IGSF22: variants seen among roughly 807,000 people sequenced by gnomAD.
The protein encoded by IGSF22 is immunoglobulin superfamily, member 22.
A neutral mutation model predicts 127.0 loss-of-function variants in IGSF22; 119 were observed. That is an observed-to-expected ratio of 0.94 (90% CI 0.81 to 1.09). The LOEUF (loss-of-function observed/expected upper bound fraction) is 1.09. IGSF22 is among the 50% of genes least tolerant of loss of function. The pLI is 0.00. For missense variants in IGSF22, 1,518 were observed against 1,716.6 expected (o/e 0.88, Z 2.04); for synonymous variants, 568 against 664.7 (o/e 0.85, Z 2.24).
At chr11:18,715,854 T>C in intron 10 of IGSF22, 138 bp from the exon 11 acceptor site, 2 of 967,736 alleles carry the variant, frequency 2.1e-6, no homozygotes, top group Non-Finnish European at 1.5e-6. Context: ...TTGTGTGTAA[T>C]ATGTGACTCA....
chr11:18,715,740 C>A, intron 10 of IGSF22, 24 bp from the exon 11 acceptor site: 1 of 1,590,444 alleles, frequency 6.3e-7, no homozygotes, highest in Non-Finnish European at 8.6e-7. Flanking sequence ...GACACTTGGG[C>A]CTGCTCCCAA....
At chr11:18,717,809 C>T (rs978045388) in intron 9 of IGSF22, 122 bp downstream of exon 9, 1 of 1,074,206 alleles carries the variant, frequency 9.3e-7, no homozygotes, top group Admixed American at 2.2e-5. Flanking sequence ...CATCCCCACA[C>T]AATCCTTTCT....
Position 18,716,845 on chromosome 11 carries a change from C to A in IGSF22, c.1129G>T (p.Val377Leu). 1 of 1,614,238 alleles carries A rather than the reference C, an allele frequency of 6.2e-7. No individual in the cohort carries two copies. Among genetic ancestry groups the A allele is most frequent in the South Asian group, 1.1e-5 (1 of 91,086 alleles). Residue 377 changes from valine (V) to leucine (L), a missense_variant, in exon 10 of 23, where the codon GTG becomes TTG. Physicochemically the swap from Val to Leu is conservative, Grantham distance 32 (BLOSUM62 1). This residue lies in a region of IGSF22 where 1,456 missense variants were observed against 1,644.9 expected (regional missense o/e 0.89). Coordinates refer to ENST00000513874, the MANE Select transcript of IGSF22 (RefSeq NM_173588.4). This position sits in a 1 kb window ranked among gnomAD's most constrained non-coding sequence, Gnocchi z 4.5. ...LKRDDKYEIT[V>L]SEDGLTHTLK... ...GTGTGCGTCAGACCATCTTCGGACA[C>A]CGTGATTTCATACTTGTCATCCCTC...
intron 7 of IGSF22, 147 bp downstream of exon 7, chr11:18,719,569 T>C (rs1347624354): frequency 2.7e-6 from 2 of 750,100 alleles, no homozygotes; most frequent in East Asian, 5.0e-5. Context: ...TTGTGCTCCC[T>C]TGCTGCTTTC....
At position 18,724,653 on chromosome 11, in the gene IGSF22, T is replaced by C. The variant is rs563769615; in HGVS notation, c.-33-384A>G. Among the ~76,000 whole-genome samples, 41 of 152,324 alleles carry C rather than the reference T, an allele frequency of 2.7e-4. 1 individual carries two copies. In the South Asian group the frequency reaches 6.8e-3, roughly 25 times the overall value. On this transcript the variant is annotated intron_variant, in intron 1 of 22. Transcript: ENST00000513874. ...CAGACCTAAGAAAGAACTTCCTGAC[T>C]AAGCCATACTGGAGTGGGCTTTAGA...
intron 15 of IGSF22, among the ~76,000 whole-genome samples, chr11:18,711,731 G>A (rs1848360714): frequency 6.6e-6 from 1 of 152,146 alleles, no homozygotes; most frequent in South Asian, 2.1e-4. Flanking sequence ...TGTTGTCAAG[G>A]ATTTTCTGTG....
intron 4 of IGSF22, among the ~76,000 whole-genome samples, chr11:18,721,105 C>G (rs1848562778): frequency 6.6e-6 from 1 of 152,188 alleles, no homozygotes; most frequent in Non-Finnish European, 1.5e-5. Flanking sequence ...GAGGGTTCAG[C>G]TGAAGAGCCC....
At position 18,721,527 on chromosome 11, in the gene IGSF22, C is replaced by A. The variant is rs1476057834; in HGVS notation, c.378+8G>T. ...CTCGGTAACTGGACTTGGGCTTGGCCCCCGCACCTTCAGCACGTGTTCCTT... is the reference window on the plus strand; with the variant it reads ...CTCGGTAACTGGACTTGGGCTTGGCACCCGCACCTTCAGCACGTGTTCCTT... On this transcript the variant is annotated splice_region_variant and intron_variant, in intron 4 of 22. Transcript: ENST00000513874. The A allele has an allele frequency of 2.5e-6, 4 of 1,614,090 alleles. No individual in the cohort carries two copies. The highest frequency in any genetic ancestry group is 3.4e-6 in the Non-Finnish European group (4 of 1,180,048).
rs771212228 is a variant in IGSF22 at position 18,718,705 on chromosome 11, CA to C, written c.719del (p.Leu240ArgfsTer17). ...EVEAIRILKP[L>X]EDKETKVDTT... The stretch of plus-strand genomic sequence containing the variant: ...TGTCAACCTTGGTCTCTTTGTCTTC[CA>C]GGGGCTTCAGAATCCGGATGGCCTG... On this transcript the variant is annotated frameshift_variant, in exon 8 of 23. Coordinates refer to ENST00000513874, the MANE Select transcript of IGSF22 (RefSeq NM_173588.4). LOFTEE classifies it high-confidence loss of function. 22 of 1,611,674 alleles carry C rather than the reference CA, an allele frequency of 1.4e-5. No homozygotes were observed. Among genetic ancestry groups the C allele is most frequent in the South Asian group, 5.5e-5 (5 of 90,972 alleles).
chr11:18,705,691 T>C (rs1848210980), intron 22 of IGSF22, 126 bp downstream of exon 22: 6 of 785,336 alleles, frequency 7.6e-6, no homozygotes, highest in Admixed American at 2.7e-5. Flanking sequence ...CAATTAAGAA[T>C]GTTTGCACCA....
Position 18,712,127 on chromosome 11 carries a change from T to C in IGSF22, c.2353A>G (p.Ser785Gly), listed in dbSNP as rs1347342545. 5.8e-6 allele frequency: 9 copies of C among 1,551,622 alleles called. No individual in the cohort carries two copies. The highest frequency in any genetic ancestry group is 6.1e-6 in the Non-Finnish European group (7 of 1,146,990). Residue 785 changes from serine to glycine, a missense_variant, in exon 15 of 23, where the codon AGT (serine) becomes GGT (glycine). Coordinates refer to ENST00000513874, the MANE Select transcript of IGSF22 (RefSeq NM_173588.4). ...ACTTCTTCTGTCTCCAGTGGGTCAC[T>C]CACACCTTCTGAATTGACTGCCAGG... ...RILAVNSEGV[S>G]DPLETEEVFA...
intron 11 of IGSF22, 134 bp from the exon 12 acceptor site, chr11:18,714,758 G>T (rs1407004834): frequency 2.4e-6 from 3 of 1,258,432 alleles, no homozygotes; most frequent in Non-Finnish European, 3.3e-6. Flanking sequence ...TGATGAGCAG[G>T]CGGCTTGCCA....
intron 14 of IGSF22, among the ~76,000 whole-genome samples, chr11:18,713,344 G>A (rs1226222981): frequency 6.6e-6 from 1 of 151,934 alleles, no homozygotes; most frequent in African/African-American, 2.4e-5. Flanking sequence ...GTAGAGACCG[G>A]GTTTCGCCAT....
intron 7 of IGSF22, among the ~76,000 whole-genome samples, chr11:18,719,286 AG>A: frequency 6.7e-6 from 1 of 150,034 alleles, no homozygotes; most frequent in East Asian, 2.0e-4. Flanking sequence ...CTGGGATTAC[AG>A]GTGTGTGCCA....
chr11:18,720,256 G>T lies in IGSF22; in HGVS notation c.408C>A (p.Asp136Glu), dbSNP rs1220792397. 6.2e-7 allele frequency: 1 copy of T among 1,614,004 alleles called. No individual in the cohort carries two copies. Among genetic ancestry groups the T allele is most frequent in the African/African-American group, 1.3e-5 (1 of 74,908 alleles). ...CATTGCTTGCAATGCACTTATAGTT[G>T]TCAGAGTCATCCGAAGTCAGTGGCT... The part of the protein sequence containing the change: ...KLEPLTSDDS[D>E]NYKCIASNDH... Residue 136 changes from aspartate (D) to glutamate (E), a missense_variant, in exon 5 of 23, where the codon GAC (aspartate) becomes GAA (glutamate). By Grantham distance (45) the Asp-to-Glu change is conservative. This residue lies in a region of IGSF22 where 1,456 missense variants were observed against 1,644.9 expected (regional missense o/e 0.89). Transcript: ENST00000513874.
intron 4 of IGSF22, among the ~76,000 whole-genome samples, chr11:18,721,166 G>A (rs957510888): frequency 2.4e-4 from 37 of 152,106 alleles, no homozygotes; most frequent in Non-Finnish European, 4.7e-4. Flanking sequence ...CCGGCACCTC[G>A]CCACCCACAA....
At chr11:18,710,074 C>T (rs1021055071) in intron 17 of IGSF22, among the ~76,000 whole-genome samples, 1 of 152,158 alleles carries the variant, frequency 6.6e-6, no homozygotes, top group African/African-American at 2.4e-5. Flanking sequence ...CATGCCTCTC[C>T]TACCTCACCT....
chr11:18,713,918 G>A lies in IGSF22; in HGVS notation c.2029C>T (p.Leu677Phe), dbSNP rs11024769. 21,811 of 1,614,244 alleles carry A rather than the reference G, an allele frequency of 0.014. 381 individuals carry two copies. The highest frequency in any genetic ancestry group is 0.077 in the African/African-American group (5,778 of 75,068). ...ISNCVREDSG[L>F]ILLKLKNDHG... ...TCATTCTTGAGCTTGAGCAGGATGAGGCCGCTGTCTTCACGCACACAGTTG... is the reference window on the plus strand; with the variant it reads ...TCATTCTTGAGCTTGAGCAGGATGAAGCCGCTGTCTTCACGCACACAGTTG... Residue 677 changes from leucine (L) to phenylalanine (F), a missense_variant, in exon 14 of 23, where the codon CTC becomes TTC. Physicochemically the swap from Leu to Phe is conservative, Grantham distance 22 (BLOSUM62 0). Around this residue, in one of 3 missense-constraint regions of IGSF22, gnomAD observed 1,456 missense variants for 1,644.9 expected, o/e 0.89. Transcript: ENST00000513874.
rs781293732 is a variant in IGSF22, at chr11:18,715,721, G to A, written c.1247-5C>T. ...TCACAAACTTGATGGGGATGCCTGT[G>A]GACAGACAGACACTTGGGCCTGCTC... On this transcript the variant is annotated splice_polypyrimidine_tract_variant and splice_region_variant and intron_variant, in intron 10 of 22. Transcript: ENST00000513874. The A allele has an allele frequency of 4.4e-6, 7 of 1,604,308 alleles. No individual in the cohort carries two copies. The highest frequency in any genetic ancestry group is 6.0e-6 in the Non-Finnish European group (7 of 1,175,294).
Sources: allele counts gnomAD v4.1 joint callset (sites outside exome capture counted in the v4.1 genomes callset), GRCh38; gene constraint gnomAD v4.1.1; regional missense constraint gnomAD v4.1.1; non-coding constraint Gnocchi (gnomAD v3.1); transcripts MANE v1.5; gene names NCBI Gene and HGNC (gene_info 2026-07-23, HGNC 2026-07-21).